The following BDKRB2 variants were observed in gnomAD, a reference collection of about 807,000 sequenced individuals.
BDKRB2 encodes the protein bradykinin receptor B2.
BDKRB2 carries 6 observed loss-of-function variants against 4.0 expected under a neutral mutation model. The ratio of observed to expected loss-of-function variants is 1.49; its 90% CI spans 0.81 to 2.93. The LOEUF (loss-of-function observed/expected upper bound fraction) is 2.93, where lower values mean the gene tolerates loss of function less well. Ranked by LOEUF, BDKRB2 falls within the 30% of genes most tolerant of loss-of-function variation. BDKRB2 has a pLI of 0.00. For missense variants in BDKRB2, 478 were observed against 520.1 expected, an observed-to-expected ratio of 0.92 and a Z score of 0.79; for synonymous variants, 225 against 215.3, an observed-to-expected ratio of 1.05 and a Z score of -0.40.
chr14:96,241,762 T>A lies in BDKRB2; in HGVS notation c.*258T>A. On this transcript the variant is annotated 3_prime_UTR_variant, in exon 3 of 3. Transcript: ENST00000554311. ...TACTGTTCTTATTTGCTGCCACACC[T>A]GAGCCAGCCTGCTCCTTCCCAGGAG... 2 of 377,616 alleles carry A rather than the reference T, an allele frequency of 5.3e-6. No individual in the cohort carries two copies. The highest frequency in any genetic ancestry group is 2.1e-5 in the African/African-American group (1 of 48,378). The allele number at this position is 377,616 out of a possible 1,614,324, so 23.4% of individuals were successfully genotyped here. A position where few individuals can be genotyped will look rare whatever the true frequency, so the allele number is the denominator to read the frequency against.
At chr14:96,232,463 C>T (rs183877378) in intron 1 of BDKRB2, among the ~76,000 whole-genome samples, 4 of 152,338 alleles carry the variant, frequency 2.6e-5, no homozygotes, top group East Asian at 3.9e-4. Context: ...ACAGTTTTTG[C>T]CACATCCATG....
At chr14:96,239,952 G>A in intron 2 of BDKRB2, 12 of 986,986 alleles carry the variant, frequency 1.2e-5, no homozygotes, top group Non-Finnish European at 1.4e-5. Context: ...GGAATCTCCA[G>A]GTCTGGAATG....
chr14:96,241,050 C>A lies in BDKRB2; in HGVS notation c.722C>A (p.Thr241Asn), dbSNP rs1185595154. 1.4e-5 allele frequency: 22 copies of A among 1,613,228 alleles called. No individual in the cohort carries two copies. Among genetic ancestry groups the A allele is most frequent in the Non-Finnish European group, 1.9e-5 (22 of 1,179,398 alleles). Residue 241 changes from threonine to asparagine, a missense_variant, in exon 3 of 3, where the codon ACC (threonine) becomes AAC (asparagine). By Grantham distance (65) the Thr-to-Asn change is moderately conservative (BLOSUM62 0). Transcript: ENST00000554311. ...VGFLLPLSVI[T>N]FCTMQIMQVL... ...TTCCTGCTGCCCCTGAGTGTCATCA[C>A]CTTCTGCACGATGCAGATCATGCAG...
chr14:96,231,141 A>T (rs1184404084), intron 1 of BDKRB2, among the ~76,000 whole-genome samples: 1 of 152,242 alleles, frequency 6.6e-6, no homozygotes. Flanking sequence ...GAGCAAAGCC[A>T]GGCCGGCAGG....
At chr14:96,207,614 A>G (rs961053223) in intron 1 of BDKRB2, among the ~76,000 whole-genome samples, 1 of 152,136 alleles carries the variant, frequency 6.6e-6, no homozygotes, top group Admixed American at 6.5e-5. Context: ...ACTTTGGGTG[A>G]TGATGATGTG....
intron 2 of BDKRB2, chr14:96,239,178 G>A: frequency 1.0e-6 from 1 of 985,384 alleles, no homozygotes; most frequent in Non-Finnish European, 1.2e-6. Flanking sequence ...AGGGCACTGG[G>A]AAAATGCCCA....
intron 1 of BDKRB2, among the ~76,000 whole-genome samples, chr14:96,216,752 G>A (rs368380296): frequency 2.1e-5 from 2 of 94,806 alleles, no homozygotes; most frequent in Admixed American, 1.0e-4. Flanking sequence ...GAGGAGGAAG[G>A]AGGAGGAGGA....
intron 1 of BDKRB2, among the ~76,000 whole-genome samples, chr14:96,213,590 C>T (rs2139769702): frequency 6.6e-6 from 1 of 152,226 alleles, no homozygotes; most frequent in South Asian, 2.1e-4. Context: ...CAGCTTATGA[C>T]ACACCTACAA....
At chr14:96,237,913 T>G in intron 2 of BDKRB2, 1 of 1,255,708 alleles carries the variant, frequency 8.0e-7, no homozygotes, top group Non-Finnish European at 1.0e-6. Context: ...GGTGCTATAC[T>G]TTGGTCTCTA....
intron 1 of BDKRB2, among the ~76,000 whole-genome samples, chr14:96,214,044 A>G (rs548754555): frequency 6.6e-6 from 1 of 152,282 alleles, no homozygotes; most frequent in Non-Finnish European, 1.5e-5. Flanking sequence ...AGAGATGGGT[A>G]GGAGCATGAG....
chr14:96,223,480 A>G (rs1890624609), intron 1 of BDKRB2: 1 of 627,252 alleles, frequency 1.6e-6, no homozygotes, highest in African/African-American at 1.8e-5. Context: ...ACACTGTTTG[A>G]ATGTGCTGGT....
chr14:96,231,668 A>G (rs1890821702), intron 1 of BDKRB2, among the ~76,000 whole-genome samples: 1 of 152,218 alleles, frequency 6.6e-6, no homozygotes, highest in African/African-American at 2.4e-5. Flanking sequence ...TGGCCTTGAC[A>G]TCGACTTGCT....
chr14:96,234,307 G>T (rs1396923021), intron 1 of BDKRB2, among the ~76,000 whole-genome samples: 2 of 152,104 alleles, frequency 1.3e-5, no homozygotes, highest in Non-Finnish European at 2.9e-5. Flanking sequence ...CCCCCCTCGC[G>T]ATCAGGCCCC....
intron 1 of BDKRB2, chr14:96,233,848 T>C (rs1239800113): frequency 6.6e-6 from 1 of 152,144 alleles, no homozygotes; most frequent in Non-Finnish European, 1.5e-5. Context: ...TAAGTCTTCT[T>C]GGATAGAATT....
At chr14:96,206,331 C>T (rs1414460580) in intron 1 of BDKRB2, among the ~76,000 whole-genome samples, 1 of 152,140 alleles carries the variant, frequency 6.6e-6, no homozygotes, top group Non-Finnish European at 1.5e-5. Flanking sequence ...TGCAACCCTG[C>T]ACTCCAAGCC....
intron 1 of BDKRB2, among the ~76,000 whole-genome samples, chr14:96,225,418 C>A (rs1433461734): frequency 1.3e-5 from 2 of 151,838 alleles, no homozygotes; most frequent in Non-Finnish European, 2.9e-5. Flanking sequence ...TTGGAGGTGG[C>A]CCTTGTAGGG....
intron 1 of BDKRB2, among the ~76,000 whole-genome samples, chr14:96,206,570 G>A (rs542080966): frequency 1.1e-4 from 16 of 151,940 alleles, no homozygotes; most frequent in Admixed American, 3.3e-4. Flanking sequence ...AAGTCATCTC[G>A]GTTCTTGCCA....
At chr14:96,238,146 T>A in intron 2 of BDKRB2, 2 of 954,392 alleles carry the variant, frequency 2.1e-6, no homozygotes, top group Non-Finnish European at 2.5e-6. Context: ...TCTGGGGCCT[T>A]GGTTGGAAGA....
chr14:96,214,124 C>A (rs1448861767), intron 1 of BDKRB2, among the ~76,000 whole-genome samples: 1 of 152,156 alleles, frequency 6.6e-6, no homozygotes, highest in Non-Finnish European at 1.5e-5. Context: ...TGCCCTGTGA[C>A]GGGGGCACCC....
Sources: gnomAD v4.1 joint callset for allele counts (sites outside exome capture counted in the v4.1 genomes callset) on GRCh38, gnomAD v4.1.1 for gene constraint, MANE v1.5 for transcripts, NCBI Gene and HGNC (gene_info 2026-07-23, HGNC 2026-07-21) for gene names.